The following ASTN2 variants were observed in gnomAD, a reference collection of about 807,000 sequenced individuals.
The protein encoded by ASTN2 is astrotactin-2.
Under a neutral mutation model 139.8 loss-of-function variants are expected in ASTN2, and 54 were observed. That is an observed-to-expected ratio of 0.39 (90% CI 0.31 to 0.48). The LOEUF is 0.48. Ranked by LOEUF, ASTN2 falls within the 20% of genes least tolerant of loss-of-function variation. The pLI is 0.95. For synonymous variants in ASTN2, 756 were observed against 719.5 expected (o/e 1.05, Z -0.81); for missense variants, 1,565 against 1,725.1 (o/e 0.91, Z 1.64).
chr9:117,186,933 G>A (rs556367143), intron 3 of ASTN2, among the ~76,000 whole-genome samples: 15 of 152,102 alleles, frequency 9.9e-5, no homozygotes, highest in Non-Finnish European at 2.1e-4. Flanking sequence ...GTTTGAGACT[G>A]GCCTGGCCAA....
At chr9:117,054,147 C>A (rs182029342) in intron 5 of ASTN2, among the ~76,000 whole-genome samples, 1 of 152,274 alleles carries the variant, frequency 6.6e-6, no homozygotes, top group African/African-American at 2.4e-5. Context: ...ACCTTTCAAG[C>A]CTGCTGGTTT....
intron 19 of ASTN2, among the ~76,000 whole-genome samples, chr9:116,548,728 C>T (rs1852212400): frequency 6.6e-6 from 1 of 152,156 alleles, no homozygotes; most frequent in African/African-American, 2.4e-5. Flanking sequence ...CCGGCCTCAG[C>T]CTCCCAAAGT....
intron 2 of ASTN2, among the ~76,000 whole-genome samples, chr9:117,288,466 G>C (rs1325964302): frequency 2.6e-5 from 4 of 152,098 alleles, no homozygotes; most frequent in African/African-American, 9.7e-5. Context: ...AACCACCTTG[G>C]ATCTTCACCA....
rs186996647 is a variant in ASTN2 at position 117,380,478 on chromosome 9, G to A, written c.442+34019C>T. ...AAATTAGCTGGGGGTGGTGTTGTGCGCCTGCAGTCCCAGCTACTCGGGAGG... is the reference window on the plus strand; with the variant it reads ...AAATTAGCTGGGGGTGGTGTTGTGCACCTGCAGTCCCAGCTACTCGGGAGG... On this transcript the variant is annotated intron_variant, in intron 1 of 22. Coordinates refer to ENST00000313400, the MANE Select transcript of ASTN2 (RefSeq NM_001365068.1). Among the ~76,000 whole-genome samples, 370 of 151,830 alleles carry A rather than the reference G, an allele frequency of 2.4e-3. 10 individuals carry two copies. In the South Asian group the frequency reaches 0.049, roughly 20 times the overall value.
intron 17 of ASTN2, among the ~76,000 whole-genome samples, chr9:116,634,712 C>G (rs1328586276): frequency 6.6e-6 from 1 of 151,264 alleles, no homozygotes; most frequent in Non-Finnish European, 1.5e-5. Flanking sequence ...TATTTTTATT[C>G]TTTGTAATAT....
At chr9:116,474,447 C>A (rs1335264725) in intron 20 of ASTN2, among the ~76,000 whole-genome samples, 2 of 152,164 alleles carry the variant, frequency 1.3e-5, no homozygotes, top group African/African-American at 4.8e-5. Flanking sequence ...GAAAGGAGAA[C>A]AGAGCAGCAA....
intron 11 of ASTN2, among the ~76,000 whole-genome samples, chr9:116,832,944 AT>A (rs958181337): frequency 2.7e-5 from 4 of 149,606 alleles, no homozygotes; most frequent in Non-Finnish European, 4.5e-5. Context: ...GTTTTGTTTT[AT>A]TTATTTATTT....
intron 11 of ASTN2, among the ~76,000 whole-genome samples, chr9:116,824,374 CCT>C (rs1373367737): frequency 2.4e-5 from 2 of 82,392 alleles, no homozygotes; most frequent in Non-Finnish European, 5.1e-5. Context: ...TCTTTCTCTC[CCT>C]CTGTCTGTCT....
In ASTN2 at chr9:116,668,526, C is replaced by A. The variant is rs151301816; in HGVS notation, c.2807-16733G>T. Among the ~76,000 whole-genome samples the A allele has an allele frequency of 1.2e-4, 19 of 152,310 alleles. No homozygotes were observed. In the East Asian group the frequency reaches 3.3e-3, roughly 26 times the overall value. ...TACTTACTAATATGCATTTAAGCTT[C>A]CTCCATGTATTTTCATGGTTTAGAA... On this transcript the variant is annotated intron_variant, in intron 16 of 22. Transcript: ENST00000313400.
intron 7 of ASTN2, among the ~76,000 whole-genome samples, chr9:117,004,959 C>A (rs1162503463): frequency 6.6e-6 from 1 of 151,770 alleles, no homozygotes; most frequent in Non-Finnish European, 1.5e-5. Context: ...ATTTAATGAG[C>A]ATTTAGTATA....
At chr9:116,845,177 C>G (rs754587728) in intron 11 of ASTN2, among the ~76,000 whole-genome samples, 1 of 152,114 alleles carries the variant, frequency 6.6e-6, no homozygotes, top group African/African-American at 2.4e-5. Context: ...TGTGGTGGTG[C>G]GATCTCGGCT....
rs1167093283 is a variant in ASTN2 at position 116,855,334 on chromosome 9, G to GCTACTCCTGATTGAGGAA, written c.2040+8248_2040+8249insTTCCTCAATCAGGAGTAG. Among the ~76,000 whole-genome samples, 3 of 152,320 alleles carry GCTACTCCTGATTGAGGAA rather than the reference G, an allele frequency of 2.0e-5. No homozygotes were observed. The East Asian group carries it at 5.8e-4, about 29-fold the overall frequency. The stretch of plus-strand genomic sequence containing the variant: ...AGATGCAAATGCTCCTGATTGAGGA[G>GCTACTCCTGATTGAGGAA]CTACTCCCTCCTTTTCATTTCCCAA... On this transcript the variant is annotated intron_variant, in intron 11 of 22. Coordinates refer to ENST00000313400, the MANE Select transcript of ASTN2 (RefSeq NM_001365068.1).
At chr9:117,226,679 C>T (rs1190421908) in intron 2 of ASTN2, among the ~76,000 whole-genome samples, 2 of 152,128 alleles carry the variant, frequency 1.3e-5, no homozygotes, top group Non-Finnish European at 2.9e-5. Context: ...TAACAGATGA[C>T]AAAAGTGAGC....
At chr9:116,623,689 C>G (rs1399371927) in intron 17 of ASTN2, among the ~76,000 whole-genome samples, 1 of 152,178 alleles carries the variant, frequency 6.6e-6, no homozygotes, top group Non-Finnish European at 1.5e-5. Context: ...GATGAAACTA[C>G]TCTATCCCTC....
intron 19 of ASTN2, among the ~76,000 whole-genome samples, chr9:116,594,565 G>A (rs1854493144): frequency 6.6e-6 from 1 of 152,160 alleles, no homozygotes; most frequent in African/African-American, 2.4e-5. Context: ...CAGTCTCACT[G>A]ACATTCGATT....
intron 13 of ASTN2, among the ~76,000 whole-genome samples, chr9:116,795,076 A>C (rs1386318065): frequency 6.6e-6 from 1 of 152,206 alleles, no homozygotes; most frequent in African/African-American, 2.4e-5. Flanking sequence ...TCCTGGGTTC[A>C]AGTGATTCTC....
intron 1 of ASTN2, among the ~76,000 whole-genome samples, chr9:117,370,147 G>A (rs988400738): frequency 3.3e-5 from 5 of 152,060 alleles, no homozygotes; most frequent in Non-Finnish European, 7.4e-5. Context: ...ATGAGGGCGG[G>A]GAAAGAGAAG....
intron 17 of ASTN2, among the ~76,000 whole-genome samples, chr9:116,633,944 AT>A (rs1289945631): frequency 6.6e-6 from 1 of 152,164 alleles, no homozygotes; most frequent in African/African-American, 2.4e-5. Context: ...TGGCAAGTGG[AT>A]TCTGAAAAGT....
chr9:116,521,454 T>C (rs1850869104), intron 19 of ASTN2, among the ~76,000 whole-genome samples: 1 of 152,078 alleles, frequency 6.6e-6, no homozygotes, highest in Admixed American at 6.6e-5. Context: ...TGTAGGAGGA[T>C]GAAACTAGAT....
Sources: gnomAD v4.1 joint callset for allele counts (sites outside exome capture counted in the v4.1 genomes callset) on GRCh38, gnomAD v4.1.1 for gene constraint, MANE v1.5 for transcripts, NCBI Gene and HGNC (gene_info 2026-07-23, HGNC 2026-07-21) for gene names.